The following TYW1B variants were observed in gnomAD, a reference collection of about 807,000 sequenced individuals.
The protein encoded by TYW1B is S-adenosyl-L-methionine-dependent tRNA 4-demethylwyosine synthase TYW1B.
Under a neutral mutation model 86.9 loss-of-function variants are expected in TYW1B, and 73 were observed. The ratio of observed to expected loss-of-function variants is 0.84; its 90% CI spans 0.70 to 1.02. The LOEUF is 1.02. Ranked by LOEUF, TYW1B falls within the 50% of genes least tolerant of loss-of-function variation. The pLI, the probability that TYW1B is intolerant of heterozygous loss-of-function variation, is 0.00. For missense variants in TYW1B, 637 were observed against 827.4 expected (o/e 0.77, Z 2.82); for synonymous variants, 248 against 292.8 (o/e 0.85, Z 1.56).
intron 13 of TYW1B, among the ~76,000 whole-genome samples, chr7:72,603,424 T>C (rs1205920840): frequency 1.3e-5 from 2 of 152,162 alleles, no homozygotes; most frequent in East Asian, 3.8e-4. Context: ...GAGATGGTGA[T>C]ACAGATATAT....
intron 7 of TYW1B, among the ~76,000 whole-genome samples, chr7:72,748,308 G>T (rs1787431927): frequency 1.3e-5 from 2 of 152,020 alleles, no homozygotes; most frequent in Admixed American, 1.3e-4. Context: ...TTTGTGCTTT[G>T]CTATTGTATC....
intron 13 of TYW1B, among the ~76,000 whole-genome samples, chr7:72,594,549 G>A (rs1811481726): frequency 6.6e-6 from 1 of 152,094 alleles, no homozygotes; most frequent in Admixed American, 6.6e-5. Context: ...TGGACCTGAT[G>A]GCTTCACTTG....
intron 9 of TYW1B, chr7:72,722,985 A>C (rs1406295218): frequency 1.4e-6 from 1 of 691,938 alleles, no homozygotes; most frequent in Non-Finnish European, 2.6e-6. Flanking sequence ...TGCACTGGAT[A>C]CCTAAGCCTT....
intron 11 of TYW1B, among the ~76,000 whole-genome samples, chr7:72,640,665 T>C (rs1812780566): frequency 6.6e-6 from 1 of 152,182 alleles, no homozygotes; most frequent in Non-Finnish European, 1.5e-5. Context: ...CCTAACAATA[T>C]AGCATCAATA....
chr7:72,703,016 ATATATATATATTT>A (rs1161993123), intron 10 of TYW1B, among the ~76,000 whole-genome samples: 338 of 17,650 alleles, frequency 0.019, 10 homozygotes, highest in African/African-American at 0.041. Flanking sequence ...ATATATATAT[ATATATATATATTT>A]TTTTTTTTTT....
At chr7:72,738,034 A>G (rs1157941499) in intron 8 of TYW1B, among the ~76,000 whole-genome samples, 3 of 151,304 alleles carry the variant, frequency 2.0e-5, no homozygotes, top group Admixed American at 6.6e-5. Flanking sequence ...TCAGCCTCCC[A>G]AAGTGCTGGG....
chr7:72,674,757 C>CT (rs1470387297), intron 11 of TYW1B, among the ~76,000 whole-genome samples: 1 of 97,704 alleles, frequency 1.0e-5, no homozygotes, highest in Non-Finnish European at 2.2e-5. Context: ...TTCCTTTTCT[C>CT]TCTTTTTTTT....
At chr7:72,759,360 G>A (rs1270809766) in intron 7 of TYW1B, among the ~76,000 whole-genome samples, 1 of 152,012 alleles carries the variant, frequency 6.6e-6, no homozygotes, top group Non-Finnish European at 1.5e-5. Context: ...CTACTAGGGT[G>A]GTTGCCACCA....
intron 11 of TYW1B, among the ~76,000 whole-genome samples, chr7:72,683,232 A>C (rs1193714754): frequency 6.6e-6 from 1 of 152,186 alleles, no homozygotes; most frequent in Non-Finnish European, 1.5e-5. Flanking sequence ...AAAACTGAGA[A>C]GTATTTGTGA....
chr7:72,712,454 G>A (rs1267730372), intron 10 of TYW1B, among the ~76,000 whole-genome samples: 2 of 151,902 alleles, frequency 1.3e-5, no homozygotes, highest in African/African-American at 2.4e-5. Context: ...TCAGCCTCCC[G>A]AGTAGCTGGG....
chr7:72,625,892 GGGGC>G (rs1165594655), intron 12 of TYW1B, among the ~76,000 whole-genome samples: 57 of 101,850 alleles, frequency 5.6e-4, no homozygotes, highest in Middle Eastern at 0.01. Context: ...GGGGAGAGGT[GGGGC>G]GGGGGGGGGG....
chr7:72,785,719 C>G (rs1425083325), intron 6 of TYW1B, among the ~76,000 whole-genome samples: 1 of 152,180 alleles, frequency 6.6e-6, no homozygotes, highest in Non-Finnish European at 1.5e-5. Flanking sequence ...CTGGCACATA[C>G]TACTTCCCTC....
intron 11 of TYW1B, among the ~76,000 whole-genome samples, chr7:72,679,663 CTGAATACTTTAACA>C (rs1393706345): frequency 6.6e-6 from 1 of 151,998 alleles, no homozygotes; most frequent in African/African-American, 2.4e-5. Context: ...TACCACTGAA[CTGAATACTTTAACA>C]TGGTAAAAAC....
rs145935571 is a variant in TYW1B, at chr7:72,733,159, AACACACACACACACAC to A, written c.1083-4244_1083-4229del. 1.8e-3 allele frequency among the ~76,000 whole-genome samples: 259 copies of A among 147,034 alleles called. 2 individuals are homozygous for A. The highest frequency in any genetic ancestry group is 7.1e-4 in the Non-Finnish European group (47 of 66,278). On this transcript the variant is annotated intron_variant, in intron 8 of 13. Transcript: ENST00000620995. ...CCCTGGTAAATTCCACCAAACCTAA[AACACACACACACACAC>A]ACACACACACACACACACACACACC...
At chr7:72,786,636 C>T (rs1179378225) in intron 6 of TYW1B, among the ~76,000 whole-genome samples, 2 of 140,556 alleles carry the variant, frequency 1.4e-5, no homozygotes. Context: ...AGTGCAGTGG[C>T]GTGATCTCGG....
Position 72,828,088 on chromosome 7 carries a change from C to G in TYW1B, c.-13G>C, listed in dbSNP as rs782549546. The stretch of plus-strand genomic sequence containing the variant: ...TGCCCTTACCCATCCTCCTCAGAGC[C>G]GACAGGAGACTAGGATCTCGGACCT... On this transcript the variant is annotated 5_prime_UTR_variant, in exon 1 of 14. Coordinates refer to ENST00000620995, the MANE Select transcript of TYW1B (RefSeq NM_001145440.3). The G allele has an allele frequency of 1.2e-6, 2 of 1,613,944 alleles. No individual in the cohort carries two copies. Among genetic ancestry groups the G allele is most frequent in the African/African-American group, 1.3e-5 (1 of 75,058 alleles).
chr7:72,732,394 A>C (rs1563075391), intron 8 of TYW1B, among the ~76,000 whole-genome samples: 1 of 152,240 alleles, frequency 6.6e-6, no homozygotes, highest in Non-Finnish European at 1.5e-5. Flanking sequence ...AAAAAATGTT[A>C]AAAAATCAAA....
rs535795031 is a variant in TYW1B at position 72,604,838 on chromosome 7, T to TA, written c.1785+11833dup. 1.0e-3 allele frequency among the ~76,000 whole-genome samples: 159 copies of TA among 152,252 alleles called. 1 individual carries two copies. Among genetic ancestry groups the TA allele is most frequent in the African/African-American group, 2.8e-3 (115 of 41,572 alleles). ...TGTCCCTCTAGCTTAACCCTGAAACTAAAACATGCAGGCTCATTTACCTGA... is the reference window on the plus strand; with the variant it reads ...TGTCCCTCTAGCTTAACCCTGAAACTAAAAACATGCAGGCTCATTTACCTGA... On this transcript the variant is annotated intron_variant, in intron 13 of 13. Transcript: ENST00000620995.
At chr7:72,652,844 T>C (rs182780723) in intron 11 of TYW1B, among the ~76,000 whole-genome samples, 12 of 152,274 alleles carry the variant, frequency 7.9e-5, no homozygotes, top group East Asian at 3.9e-4. Context: ...TTCGGAAATA[T>C]CTGTTAAACT....
Sources: gnomAD v4.1 joint callset for allele counts (sites outside exome capture counted in the v4.1 genomes callset) on GRCh38, gnomAD v4.1.1 for gene constraint, MANE v1.5 for transcripts, NCBI Gene and HGNC (gene_info 2026-07-23, HGNC 2026-07-21) for gene names.